The following TMEM54 variants were observed in gnomAD, a reference collection of about 807,000 sequenced individuals.
The protein encoded by TMEM54 is beta-casein-like protein.
In TMEM54, 21 loss-of-function variants were observed where a neutral mutation model predicts 21.3. The observed-to-expected ratio is 0.99, with a 90% CI of 0.70 to 1.42. The LOEUF (loss-of-function observed/expected upper bound fraction) is 1.42. TMEM54 is among the 40% of genes most tolerant of loss of function. The pLI is 0.00. For missense variants in TMEM54, 246 were observed against 294.0 expected (o/e 0.84, Z 1.19); for synonymous variants, 109 against 125.0 (o/e 0.87, Z 0.86).
At chr1:32,898,957 G>A (rs1452580752) in intron 1 of TMEM54, among the ~76,000 whole-genome samples, 5 of 152,200 alleles carry the variant, frequency 3.3e-5, no homozygotes, top group Non-Finnish European at 5.9e-5. Flanking sequence ...GGGTCCATGA[G>A]GAAGTGGATG....
chr1:32,897,425 C>G lies in TMEM54; in HGVS notation c.210+701G>C, dbSNP rs1382743842. 6.6e-6 allele frequency among the ~76,000 whole-genome samples: 1 copy of G among 152,216 alleles called. No individual in the cohort carries two copies. Among genetic ancestry groups the G allele is most frequent in the Non-Finnish European group, 1.5e-5 (1 of 68,042 alleles). ...AAGAGCTTTAGAAACTTGAGACTAC[C>G]AGACCCCTCCATTCATGTGCTAGTC... On this transcript the variant is annotated intron_variant, in intron 2 of 5. Transcript: ENST00000373463. This position sits in a 1 kb window ranked among gnomAD's most constrained non-coding sequence, Gnocchi z 4.9.
In TMEM54 at chr1:32,895,582, G is replaced by A. The variant is rs1470598288; in HGVS notation, c.432C>T (p.Asp144=). The A allele has an allele frequency of 1.9e-6, 3 of 1,588,678 alleles. No individual in the cohort carries two copies. The highest frequency in any genetic ancestry group is 2.6e-6 in the Non-Finnish European group (3 of 1,167,662). ...GSSELLALAP[D]CPFDPTRIYS... ...AAATGCGTGTGGGGTCGAAGGGACA[G>A]TCAGGTGCGAGGGCCAGTAGTTCAG... The change falls in exon 4 of 6, where the codon GAC becomes GAT. Residue 144 remains aspartate, a synonymous_variant. Coordinates refer to ENST00000373463, the MANE Select transcript of TMEM54 (RefSeq NM_033504.4). This position sits in a 1 kb window ranked among gnomAD's most constrained non-coding sequence, Gnocchi z 5.8.
Position 32,896,865 on chromosome 1 carries a change from G to A in TMEM54, c.211-896C>T, listed in dbSNP as rs1641612139. Among the ~76,000 whole-genome samples, 1 of 152,254 alleles carries A rather than the reference G, an allele frequency of 6.6e-6. No homozygotes were observed. The highest frequency in any genetic ancestry group is 2.4e-5 in the African/African-American group (1 of 41,466). Reference sequence around the variant, plus strand: ...GGCTTAGCCCCACTCTGCAGGATGAGCTGACAGAAAGGACACTGGTTTTGG... The same window carrying A: ...GGCTTAGCCCCACTCTGCAGGATGAACTGACAGAAAGGACACTGGTTTTGG... On this transcript the variant is annotated intron_variant, in intron 2 of 5. Coordinates refer to ENST00000373463, the MANE Select transcript of TMEM54 (RefSeq NM_033504.4). This position sits in a 1 kb window ranked among gnomAD's most constrained non-coding sequence, Gnocchi z 4.1.
At chr1:32,898,090 C>T (rs1208463872) in intron 2 of TMEM54, 36 bp downstream of exon 2, 2 of 1,568,086 alleles carry the variant, frequency 1.3e-6, no homozygotes, top group African/African-American at 2.7e-5. Context: ...CCCCTCCAGC[C>T]TCCTCCCACC....
chr1:32,899,409 GA>G (rs1173123457), intron 1 of TMEM54, among the ~76,000 whole-genome samples: 1 of 130,658 alleles, frequency 7.7e-6, no homozygotes, highest in East Asian at 2.2e-4. Context: ...AAAAAAAAAA[GA>G]AAAAAAGAGG....
At position 32,897,306 on chromosome 1, in the gene TMEM54, C is replaced by A. The variant is rs1641624262; in HGVS notation, c.210+820G>T. Among the ~76,000 whole-genome samples the A allele has an allele frequency of 6.6e-6, 1 of 152,164 alleles. No individual in the cohort carries two copies. Among genetic ancestry groups the A allele is most frequent in the African/African-American group, 2.4e-5 (1 of 41,428 alleles). Reference sequence around the variant, plus strand: ...AACAGGCCTAGAGAGAGAAATAAGTCCCTCAGCCAGGAGAAGGCAGGGATG... The same window carrying A: ...AACAGGCCTAGAGAGAGAAATAAGTACCTCAGCCAGGAGAAGGCAGGGATG... On this transcript the variant is annotated intron_variant, in intron 2 of 5. Transcript: ENST00000373463. This position sits in a 1 kb window ranked among gnomAD's most constrained non-coding sequence, Gnocchi z 4.9.
chr1:32,901,388 G>T lies in TMEM54; in HGVS notation c.-150C>A. The T allele has an allele frequency of 1.4e-6, 1 of 733,086 alleles. No individual in the cohort carries two copies. Among genetic ancestry groups the T allele is most frequent in the Non-Finnish European group, 1.8e-6 (1 of 570,090 alleles). The allele number at this position is 733,086 out of a possible 1,614,324, so 45.4% of individuals were successfully genotyped here. ...CTTCCCGCCCGGAGCCCGGGGCTGGGCGGCGCCGGACCGGCCTCCCTTCCC... is the reference window on the plus strand; with the variant it reads ...CTTCCCGCCCGGAGCCCGGGGCTGGTCGGCGCCGGACCGGCCTCCCTTCCC... On this transcript the variant is annotated 5_prime_UTR_variant, in exon 1 of 6. Coordinates refer to ENST00000373463, the MANE Select transcript of TMEM54 (RefSeq NM_033504.4). This position sits in a 1 kb window ranked among gnomAD's most constrained non-coding sequence, Gnocchi z 4.2.
At chr1:32,900,477 T>C (rs1269901540) in intron 1 of TMEM54, among the ~76,000 whole-genome samples, 1 of 104,904 alleles carries the variant, frequency 9.5e-6, no homozygotes, top group Non-Finnish European at 2.4e-5. Context: ...TGCCTCGGCC[T>C]CCCAGAGTGC....
chr1:32,900,161 CT>C (rs79232578), intron 1 of TMEM54, among the ~76,000 whole-genome samples: 1 of 152,234 alleles, frequency 6.6e-6, no homozygotes, highest in African/African-American at 2.4e-5. Flanking sequence ...AGGACCAAGA[CT>C]TTGGTCAAAG....
intron 2 of TMEM54, 44 bp downstream of exon 2, chr1:32,898,082 C>T: frequency 6.4e-7 from 1 of 1,555,146 alleles, no homozygotes; most frequent in East Asian, 2.3e-5. Flanking sequence ...CTTCAAGCCC[C>T]CTCCAGCCTC....
intron 1 of TMEM54, among the ~76,000 whole-genome samples, chr1:32,900,100 C>G (rs984323960): frequency 2.0e-5 from 3 of 152,208 alleles, no homozygotes; most frequent in African/African-American, 7.2e-5. Flanking sequence ...TACCTGGGAG[C>G]TCGGTGTCTA....
rs148509739 is a variant in TMEM54, at chr1:32,894,873, C to T, written c.601G>A (p.Glu201Lys). Reference sequence around the variant, plus strand: ...CGGCCCTCCACCAGCTCTGGGTTCTCCCGCATCTGCAGAGACACAGGAGGC... The same window carrying T: ...CGGCCCTCCACCAGCTCTGGGTTCTTCCGCATCTGCAGAGACACAGGAGGC... ...WGKSSHHMMRENPELVEGRDL... is the reference protein window; with the variant it reads ...WGKSSHHMMRKNPELVEGRDL... The change falls in exon 6 of 6, where the codon GAG becomes AAG. Residue 201 changes from glutamate to lysine, a missense_variant. Coordinates refer to ENST00000373463, the MANE Select transcript of TMEM54 (RefSeq NM_033504.4). 12 of 1,610,306 alleles carry T rather than the reference C, an allele frequency of 7.5e-6. No individual in the cohort carries two copies. In the African/African-American group the frequency reaches 9.3e-5, roughly 13 times the overall value.
intron 1 of TMEM54, among the ~76,000 whole-genome samples, chr1:32,899,334 C>G (rs750090641): frequency 4.4e-4 from 67 of 150,996 alleles, no homozygotes; most frequent in Non-Finnish European, 8.7e-4. Context: ...AGACCTCCCT[C>G]TCCTCATCTG....
chr1:32,899,639 G>A (rs965229890), intron 1 of TMEM54, among the ~76,000 whole-genome samples: 2 of 152,188 alleles, frequency 1.3e-5, no homozygotes, highest in African/African-American at 4.8e-5. Context: ...CCCAGGAAGT[G>A]GAGGCCACAG....
In TMEM54 at chr1:32,894,773, G is replaced by C; in HGVS notation, c.*32C>G. On this transcript the variant is annotated 3_prime_UTR_variant, in exon 6 of 6. Transcript: ENST00000373463. ...GAGCAGAGTTGCTTGCAGGGTCCTA[G>C]TGGCCATCGGGCCTGGGCAGGACAT... The C allele has an allele frequency of 6.2e-7, 1 of 1,600,476 alleles. No homozygotes were observed. The highest frequency in any genetic ancestry group is 8.6e-7 in the Non-Finnish European group (1 of 1,168,816).
rs142745217 is a variant in TMEM54, at chr1:32,895,327, C to T, written c.572G>A (p.Trp191Ter). The change falls in exon 5 of 6, where the codon TGG becomes TAG. Residue 191 changes from tryptophan (W) to a stop codon, truncating the protein, a stop_gained. Transcript: ENST00000373463. LOFTEE classifies it high-confidence loss of function. This position sits in a 1 kb window ranked among gnomAD's most constrained non-coding sequence, Gnocchi z 5.8. The stretch of plus-strand genomic sequence containing the variant: ...TACCATGTGGTGGCTGCTTTTCCCC[C>T]ACCAGGGCCTCAGCTCCAGCAGCTG... Reference protein sequence around the residue: ...THQLLELRPWWGKSSHHMMRE... With the variant: ...THQLLELRPW 3 of 1,612,958 alleles carry T rather than the reference C, an allele frequency of 1.9e-6. No individual in the cohort carries two copies. Among genetic ancestry groups the T allele is most frequent in the Non-Finnish European group, 1.7e-6 (2 of 1,179,298 alleles).
chr1:32,894,605 GTTC>G lies in TMEM54; in HGVS notation c.*197_*199del. ...GCATGCAGCCAAATGGAGCATCTCT[GTTC>G]TTTTTAATAATTTCAGAATAAAGTC... On this transcript the variant is annotated 3_prime_UTR_variant, in exon 6 of 6. Transcript: ENST00000373463. 1.5e-6 allele frequency: 1 copy of G among 679,872 alleles called. No individual in the cohort carries two copies. Among genetic ancestry groups the G allele is most frequent in the Non-Finnish European group, 2.3e-6 (1 of 427,406 alleles). 42.1% of individuals were successfully genotyped at this position (679,872 alleles called of 1,614,324 possible). A position where few individuals can be genotyped will look rare whatever the true frequency, so the allele number is the denominator to read the frequency against.
rs1557546494 is a variant in TMEM54 at position 32,897,813 on chromosome 1, A to G, written c.210+313T>C. On this transcript the variant is annotated intron_variant, in intron 2 of 5. Coordinates refer to ENST00000373463, the MANE Select transcript of TMEM54 (RefSeq NM_033504.4). The surrounding 1 kb of genome is among the most constrained non-coding windows in gnomAD (Gnocchi z 4.9). Reference sequence around the variant, plus strand: ...TCTTCTGTCCAGTGGTGCTGTGGCTATTCCTCGATGTAATAATCATCCTAG... The same window carrying G: ...TCTTCTGTCCAGTGGTGCTGTGGCTGTTCCTCGATGTAATAATCATCCTAG... The G allele has an allele frequency of 4.1e-6, 1 of 244,404 alleles. No individual in the cohort carries two copies. Among genetic ancestry groups the G allele is most frequent in the African/African-American group, 2.2e-5 (1 of 45,538 alleles). The allele number at this position is 244,404 out of a possible 1,614,324, so 15.1% of individuals were successfully genotyped here.
rs144983176 is a variant in TMEM54 at position 32,895,262 on chromosome 1, C to A, written c.594+43G>T. ...AGCAGCTTGGGCACCCTGGCAGGGG[C>A]TCCCAGGAAATTCGGGGAGTCAGGG... On this transcript the variant is annotated intron_variant, in intron 5 of 5. Coordinates refer to ENST00000373463, the MANE Select transcript of TMEM54 (RefSeq NM_033504.4). This position sits in a 1 kb window ranked among gnomAD's most constrained non-coding sequence, Gnocchi z 5.8. 420 of 1,576,452 alleles carry A rather than the reference C, an allele frequency of 2.7e-4. No individual in the cohort carries two copies. The Middle Eastern group carries it at 4.4e-3, about 17-fold the overall frequency.
Sources: gnomAD v4.1 joint callset for allele counts (sites outside exome capture counted in the v4.1 genomes callset) on GRCh38, gnomAD v4.1.1 for gene constraint, Gnocchi (gnomAD v3.1) non-coding constraint, MANE v1.5 for transcripts, NCBI Gene and HGNC (gene_info 2026-07-23, HGNC 2026-07-21) for gene names.